SLC41A2: variants seen among roughly 807,000 people sequenced by gnomAD.
The protein encoded by SLC41A2 is solute carrier family 41 member 2.
A neutral mutation model predicts 58.3 loss-of-function variants in SLC41A2; 32 were observed. The observed-to-expected ratio is 0.55, with a 90% CI of 0.41 to 0.74. SLC41A2 has a LOEUF of 0.74. Ranked by LOEUF, SLC41A2 falls within the 30% of genes least tolerant of loss-of-function variation. The pLI is 0.00. For missense variants in SLC41A2, 514 were observed against 680.6 expected (o/e 0.76, Z 2.72); for synonymous variants, 190 against 235.0 (o/e 0.81, Z 1.75).
intron 10 of SLC41A2, among the ~76,000 whole-genome samples, chr12:104,811,046 A>G (rs2041150521): frequency 6.6e-6 from 1 of 152,228 alleles, no homozygotes; most frequent in Non-Finnish European, 1.5e-5. Flanking sequence ...CATAGAAATA[A>G]TGATTTTTTT....
In SLC41A2 at chr12:104,818,596, C is replaced by T. The variant is rs558874781; in HGVS notation, c.1537-13259G>A. On this transcript the variant is annotated intron_variant, in intron 10 of 10. Transcript: ENST00000258538. ...GAAGGAAAGAAAAGAGAAAACAGGACAGCCGGGTGCGGTGGCTCATACCTG... is the reference window on the plus strand; with the variant it reads ...GAAGGAAAGAAAAGAGAAAACAGGATAGCCGGGTGCGGTGGCTCATACCTG... 1.2e-4 allele frequency among the ~76,000 whole-genome samples: 18 copies of T among 152,164 alleles called. No homozygotes were observed. The South Asian group carries it at 3.7e-3, about 32-fold the overall frequency.
At chr12:104,863,521 G>A (rs1021493256) in intron 7 of SLC41A2, among the ~76,000 whole-genome samples, 1 of 150,072 alleles carries the variant, frequency 6.7e-6, no homozygotes, top group African/African-American at 2.5e-5. Flanking sequence ...GTCCTTCTCT[G>A]TACTAGAAAT....
chr12:104,865,568 C>T lies in SLC41A2; in HGVS notation c.1175+864G>A, dbSNP rs1235502884. On this transcript the variant is annotated intron_variant, in intron 7 of 10. Transcript: ENST00000258538. ...AGGTGTCAGCTTTTTTCATTCTGCTCATTCAGTTAACAACTCTTCATCTGA... is the reference window on the plus strand; with the variant it reads ...AGGTGTCAGCTTTTTTCATTCTGCTTATTCAGTTAACAACTCTTCATCTGA... Among the ~76,000 whole-genome samples the T allele has an allele frequency of 5.9e-5, 9 of 152,268 alleles. No individual in the cohort carries two copies. The South Asian group carries it at 1.9e-3, about 32-fold the overall frequency.
chr12:104,842,591 C>A (rs886324340), intron 10 of SLC41A2, among the ~76,000 whole-genome samples: 1 of 152,018 alleles, frequency 6.6e-6, no homozygotes, highest in African/African-American at 2.4e-5. Flanking sequence ...ATCCTCAAAG[C>A]AGCCTGTCTG....
chr12:104,940,329 AT>A (rs61200550), intron 1 of SLC41A2, among the ~76,000 whole-genome samples: 105,132 of 148,452 alleles, frequency 0.71, 37,879 homozygotes, highest in African/African-American at 0.84. Flanking sequence ...TTTTATTTTT[AT>A]TTTTTTTAAA....
intron 3 of SLC41A2, among the ~76,000 whole-genome samples, chr12:104,897,816 A>C (rs957292996): frequency 6.6e-6 from 1 of 152,228 alleles, no homozygotes; most frequent in African/African-American, 2.4e-5. Context: ...GGCAGGACAC[A>C]GAAAATTGAT....
Position 104,859,997 on chromosome 12 carries a change from C to T in SLC41A2, c.1255+1294G>A, listed in dbSNP as rs1027339. 1.4e-3 allele frequency among the ~76,000 whole-genome samples: 209 copies of T among 152,186 alleles called. 10 individuals are homozygous for T. The South Asian group carries it at 0.04, about 29-fold the overall frequency. On this transcript the variant is annotated intron_variant, in intron 8 of 10. Transcript: ENST00000258538. ...AGCTTGAACGATCCACTTGCCTTGG[C>T]CTCGCAAAGTACTGGGATTACAGGG...
intron 2 of SLC41A2, among the ~76,000 whole-genome samples, chr12:104,915,297 T>A (rs1444899902): frequency 1.3e-5 from 2 of 152,168 alleles, no homozygotes; most frequent in African/African-American, 4.8e-5. Flanking sequence ...ATACTCCAAA[T>A]CCTTATATAT....
intron 1 of SLC41A2, among the ~76,000 whole-genome samples, chr12:104,929,166 C>T (rs935804117): frequency 3.9e-5 from 6 of 151,982 alleles, no homozygotes; most frequent in African/African-American, 1.5e-4. Context: ...ATATAATATA[C>T]ATTTTATTAT....
In SLC41A2 at chr12:104,805,039, GAAGA is replaced by G; in HGVS notation, c.*109_*112del. ...CCATTTAATTGAATCAGGGCCAACT[GAAGA>G]TTACCCTGGCAAAAGTCAAACTACT... On this transcript the variant is annotated 3_prime_UTR_variant, in exon 11 of 11. Transcript: ENST00000258538. 4.3e-6 allele frequency: 4 copies of G among 926,996 alleles called. No homozygotes were observed. Among genetic ancestry groups the G allele is most frequent in the Non-Finnish European group, 6.3e-6 (4 of 637,160 alleles). 57.4% of individuals were successfully genotyped at this position (926,996 alleles called of 1,614,324 possible). A position where few individuals can be genotyped will look rare whatever the true frequency, so the allele number is the denominator to read the frequency against.
intron 10 of SLC41A2, among the ~76,000 whole-genome samples, chr12:104,812,003 G>A (rs1361230272): frequency 1.3e-5 from 2 of 152,194 alleles, no homozygotes; most frequent in African/African-American, 2.4e-5. Context: ...AGAGATGCAG[G>A]ACTCAAGGAC....
chr12:104,839,007 C>G (rs1392997354), intron 10 of SLC41A2, among the ~76,000 whole-genome samples: 1 of 152,152 alleles, frequency 6.6e-6, no homozygotes, highest in East Asian at 1.9e-4. Context: ...CATGTGAAAA[C>G]AGACATAGCC....
intron 8 of SLC41A2, among the ~76,000 whole-genome samples, chr12:104,852,356 A>G (rs904839039): frequency 6.6e-6 from 1 of 152,204 alleles, no homozygotes; most frequent in Non-Finnish European, 1.5e-5. Flanking sequence ...GAATGCTTCA[A>G]TGCAAACACA....
chr12:104,825,820 C>G (rs1565818155), intron 10 of SLC41A2, among the ~76,000 whole-genome samples: 1 of 152,170 alleles, frequency 6.6e-6, no homozygotes, highest in South Asian at 2.1e-4. Context: ...CTGAAACCCA[C>G]CCCACAGAAG....
At chr12:104,905,734 C>A (rs1005825840) in intron 3 of SLC41A2, among the ~76,000 whole-genome samples, 8 of 152,278 alleles carry the variant, frequency 5.3e-5, no homozygotes, top group African/African-American at 1.9e-4. Flanking sequence ...ACTCAGTACA[C>A]CCTCCGCAGC....
Position 104,911,392 on chromosome 12 carries a change from GAAAATAACAGATATT to G in SLC41A2, c.556-1645_556-1631del, listed in dbSNP as rs548905699. ...ATGATTTTGGTTTACACATGATAAT[GAAAATAACAGATATT>G]AAAATAACAGATATTAAAGATATAT... On this transcript the variant is annotated intron_variant, in intron 2 of 10. Transcript: ENST00000258538. 7.6e-3 allele frequency among the ~76,000 whole-genome samples: 1,157 copies of G among 151,930 alleles called. 10 individuals are homozygous for G. Among genetic ancestry groups the G allele is most frequent in the Non-Finnish European group, 0.013 (874 of 67,940 alleles).
chr12:104,896,264 A>G (rs2135709315), intron 3 of SLC41A2, among the ~76,000 whole-genome samples: 1 of 152,316 alleles, frequency 6.6e-6, no homozygotes, highest in East Asian at 1.9e-4. Flanking sequence ...TCCTCTATCA[A>G]TCTGGAAAAC....
chr12:104,947,529 T>A (rs1053497464), intron 1 of SLC41A2, among the ~76,000 whole-genome samples: 4 of 152,088 alleles, frequency 2.6e-5, no homozygotes, highest in African/African-American at 9.7e-5. Flanking sequence ...ATGAACTATT[T>A]TGTTCTAATT....
rs752910399 is a variant in SLC41A2, at chr12:104,866,407, CACACACACAT to C, written c.1175+15_1175+24del. On this transcript the variant is annotated intron_variant, in intron 7 of 10. Coordinates refer to ENST00000258538, the MANE Select transcript of SLC41A2 (RefSeq NM_001352171.3). ...ACACACACACACACACACACACACACACACACACATATTTTAATACTAACCTACTTATAAC... is the reference window on the plus strand; with the variant it reads ...ACACACACACACACACACACACACACATTTTAATACTAACCTACTTATAAC... The C allele has an allele frequency of 6.4e-5, 102 of 1,595,492 alleles. No homozygotes were observed. The African/African-American group carries it at 1.1e-3, about 18-fold the overall frequency.
Sources: gnomAD v4.1 joint callset for allele counts (sites outside exome capture counted in the v4.1 genomes callset) on GRCh38, gnomAD v4.1.1 for gene constraint, MANE v1.5 for transcripts, NCBI Gene and HGNC (gene_info 2026-07-23, HGNC 2026-07-21) for gene names.